Variants in PCDH15 observed in about 807,000 individuals in gnomAD.
The protein encoded by PCDH15 is protocadherin related 15, also known as protocadherin-15.
Under a neutral mutation model 178.5 loss-of-function variants are expected in PCDH15, and 129 were observed. The observed-to-expected ratio is 0.72, with a 90% CI of 0.63 to 0.84. PCDH15 has a LOEUF of 0.84. Among genes scored for constraint, PCDH15 ranks in the 40% least tolerant of loss-of-function variants. PCDH15 has a pLI of 0.00. For missense variants in PCDH15, 2,230 were observed against 2,099.9 expected (o/e 1.06, Z -1.21); for synonymous variants, 800 against 732.0 (o/e 1.09, Z -1.50).
chr10:54,349,958 T>C (rs1051848107), intron 5 of PCDH15, among the ~76,000 whole-genome samples: 2 of 152,070 alleles, frequency 1.3e-5, no homozygotes, highest in Non-Finnish European at 2.9e-5. Flanking sequence ...TTCTGAAAAA[T>C]TGCAAGTAGA....
intron 25 of PCDH15, among the ~76,000 whole-genome samples, chr10:53,917,999 T>C (rs1292913939): frequency 6.6e-6 from 1 of 152,080 alleles, no homozygotes; most frequent in Non-Finnish European, 1.5e-5. Flanking sequence ...GAGGCCCTCA[T>C]CAAGAGCAGA....
intron 10 of PCDH15, among the ~76,000 whole-genome samples, chr10:54,205,456 A>T (rs950160809): frequency 4.2e-5 from 6 of 142,244 alleles, no homozygotes; most frequent in Non-Finnish European, 9.3e-5. Context: ...AGTAATTGGT[A>T]ACAGGTTATC....
At chr10:54,885,706 T>C (rs1472033924) in intron 3 of PCDH15, among the ~76,000 whole-genome samples, 1 of 152,036 alleles carries the variant, frequency 6.6e-6, no homozygotes, top group Non-Finnish European at 1.5e-5. Flanking sequence ...TAGAGTTATT[T>C]CTGGAAATTG....
intron 3 of PCDH15, among the ~76,000 whole-genome samples, chr10:54,456,471 C>A (rs1052211698): frequency 6.6e-6 from 1 of 152,304 alleles, no homozygotes; most frequent in African/African-American, 2.4e-5. Context: ...TGTATTTAAC[C>A]AATGACTGTA....
At chr10:55,056,014 T>C (rs1841289993) in intron 2 of PCDH15, among the ~76,000 whole-genome samples, 1 of 152,172 alleles carries the variant, frequency 6.6e-6, no homozygotes, top group South Asian at 2.1e-4. Context: ...TTTACATTTC[T>C]TCCCTTCTCC....
intron 7 of PCDH15, among the ~76,000 whole-genome samples, chr10:54,320,708 A>G (rs1181171815): frequency 6.6e-6 from 1 of 152,018 alleles, no homozygotes; most frequent in African/African-American, 2.4e-5. Flanking sequence ...TTGTTCAGTC[A>G]GCATATCCTG....
intron 2 of PCDH15, among the ~76,000 whole-genome samples, chr10:54,921,990 C>T (rs1176679456): frequency 6.6e-6 from 1 of 152,164 alleles, no homozygotes; most frequent in Non-Finnish European, 1.5e-5. Context: ...TGAAAACTCA[C>T]TCACTATCAT....
chr10:55,291,013 T>C (rs1420698030), intron 1 of PCDH15, among the ~76,000 whole-genome samples: 1 of 152,196 alleles, frequency 6.6e-6, no homozygotes, highest in Non-Finnish European at 1.5e-5. Flanking sequence ...TCTTAAGATT[T>C]CATAAATTTC....
intron 2 of PCDH15, among the ~76,000 whole-genome samples, chr10:55,003,833 GGTTAA>G (rs1564706694): frequency 6.6e-6 from 1 of 152,200 alleles, no homozygotes; most frequent in African/African-American, 2.4e-5. Context: ...TCTGGCCTGT[GGTTAA>G]GTTGACAATT....
chr10:55,100,525 AGCATCT>A, intron 2 of PCDH15, among the ~76,000 whole-genome samples: 1 of 152,156 alleles, frequency 6.6e-6, no homozygotes. Context: ...ACATGGCACC[AGCATCT>A]GCATATGCTG....
chr10:55,293,874 C>T (rs1843072346), intron 1 of PCDH15, among the ~76,000 whole-genome samples: 1 of 152,130 alleles, frequency 6.6e-6, no homozygotes, highest in African/African-American at 2.4e-5. Context: ...AAGCTGTTCC[C>T]ATCTCTGCCT....
At chr10:54,700,477 C>T (rs1211248097) in intron 1 of PCDH15, among the ~76,000 whole-genome samples, 2 of 151,918 alleles carry the variant, frequency 1.3e-5, no homozygotes, top group East Asian at 3.9e-4. Flanking sequence ...TACAATACAA[C>T]AATACAAGAA....
At chr10:54,027,458 A>C (rs993632759) in intron 18 of PCDH15, among the ~76,000 whole-genome samples, 1 of 152,084 alleles carries the variant, frequency 6.6e-6, no homozygotes, top group Non-Finnish European at 1.5e-5. Context: ...TTCATATGGA[A>C]CCAAAATAGA....
At chr10:54,595,712 A>G (rs2092196034) in intron 2 of PCDH15, among the ~76,000 whole-genome samples, 1 of 152,174 alleles carries the variant, frequency 6.6e-6, no homozygotes, top group South Asian at 2.1e-4. Context: ...CAATATTAAG[A>G]TACAGAAGGT....
At chr10:55,526,096 T>TAATG (rs1313309688) in intron 2 of PCDH15, among the ~76,000 whole-genome samples, 5 of 151,978 alleles carry the variant, frequency 3.3e-5, no homozygotes, top group African/African-American at 4.8e-5. Context: ...ATCCCTCACT[T>TAATG]AATGGTGTTA....
chr10:54,852,255 C>T (rs913681728), intron 3 of PCDH15, among the ~76,000 whole-genome samples: 13 of 66,282 alleles, frequency 2.0e-4, no homozygotes, highest in Non-Finnish European at 3.6e-4. Context: ...TGGTTTTATT[C>T]TTGCTGAGTT....
intron 1 of PCDH15, among the ~76,000 whole-genome samples, chr10:55,318,078 C>T (rs1843775739): frequency 6.6e-6 from 1 of 152,100 alleles, no homozygotes; most frequent in African/African-American, 2.4e-5. Context: ...AAACAACAAT[C>T]AGACAAGAAC....
intron 9 of PCDH15, among the ~76,000 whole-genome samples, chr10:54,235,958 A>G (rs1284794739): frequency 1.3e-5 from 2 of 152,226 alleles, no homozygotes; most frequent in Non-Finnish European, 2.9e-5. Context: ...CTTTACAGAC[A>G]GCATTTCTAA....
intron 7 of PCDH15, among the ~76,000 whole-genome samples, chr10:54,321,618 CA>C (rs2061612275): frequency 6.6e-6 from 1 of 151,826 alleles, no homozygotes; most frequent in Non-Finnish European, 1.5e-5. Flanking sequence ...TGTTTTCTTT[CA>C]GTCTGTCAGC....
Sources: gnomAD v4.1 joint callset for allele counts (sites outside exome capture counted in the v4.1 genomes callset) on GRCh38, gnomAD v4.1.1 for gene constraint, MANE v1.5 for transcripts, NCBI Gene and HGNC (gene_info 2026-07-23, HGNC 2026-07-21) for gene names.